The following RNF130 variants were observed in gnomAD, a reference collection of about 807,000 sequenced individuals.
RNF130 encodes ring finger protein 130, also known as E3 ubiquitin-protein ligase RNF130.
A neutral mutation model predicts 44.6 loss-of-function variants in RNF130; 21 were observed. That is an observed-to-expected ratio of 0.47 (90% CI 0.33 to 0.68). The LOEUF (loss-of-function observed/expected upper bound fraction) is 0.68. RNF130 is among the 30% of genes least tolerant of loss of function. RNF130 has a pLI of 0.02. For synonymous variants in RNF130, 214 were observed against 210.4 expected (o/e 1.02, Z -0.15); for missense variants, 479 against 560.6 (o/e 0.85, Z 1.47).
intron 7 of RNF130, chr5:179,939,743 GA>G: frequency 6.8e-6 from 3 of 439,200 alleles, no homozygotes; most frequent in Non-Finnish European, 1.3e-5. Context: ...TGAAAGCGGA[GA>G]AAAACGACCC....
At chr5:180,059,578 T>C (rs928438710) in intron 1 of RNF130, among the ~76,000 whole-genome samples, 2 of 152,164 alleles carry the variant, frequency 1.3e-5, no homozygotes, top group Admixed American at 6.5e-5. Flanking sequence ...AGTCTGCTGA[T>C]AACATGCAAA....
rs192815208 is a variant in RNF130 at position 179,974,561 on chromosome 5, T to C, written c.848+3642A>G. Among the ~76,000 whole-genome samples the C allele has an allele frequency of 2.8e-3, 421 of 152,200 alleles. 1 individual carries two copies. The highest frequency in any genetic ancestry group is 9.8e-3 in the African/African-American group (405 of 41,522). On this transcript the variant is annotated intron_variant, in intron 5 of 8. Transcript: ENST00000521389. ...CCATGAGCGGCTTGACAGCTCTGGA[T>C]AGAAAGTCCTAGCTGAGCTTGTGAA...
intron 3 of RNF130, among the ~76,000 whole-genome samples, chr5:180,003,415 T>C (rs1203500513): frequency 6.6e-6 from 1 of 152,202 alleles, no homozygotes; most frequent in African/African-American, 2.4e-5. Context: ...TTTAGGTAGA[T>C]CATATTTTCC....
At chr5:179,950,259 G>A (rs1762106268), downstream of RNF130, among the ~76,000 whole-genome samples, 2 of 151,982 alleles carry the variant, frequency 1.3e-5, no homozygotes, top group South Asian at 4.1e-4. Flanking sequence ...TGGAATTATA[G>A]GCACCTGCCA....
intron 2 of RNF130, among the ~76,000 whole-genome samples, chr5:180,039,532 A>C (rs1306920223): frequency 1.3e-5 from 2 of 152,206 alleles, no homozygotes; most frequent in Non-Finnish European, 2.9e-5. Flanking sequence ...CTTAGTTTGA[A>C]AGGAAGAAAA....
chr5:180,020,517 T>A (rs774073912), intron 2 of RNF130, among the ~76,000 whole-genome samples: 1 of 152,156 alleles, frequency 6.6e-6, no homozygotes, highest in South Asian at 2.1e-4. Context: ...GGAAGCCGAA[T>A]GTGTAAGCCA....
chr5:180,000,782 C>T (rs1288830493), intron 3 of RNF130, among the ~76,000 whole-genome samples: 1 of 152,130 alleles, frequency 6.6e-6, no homozygotes, highest in South Asian at 2.1e-4. Context: ...TGAACTGTTT[C>T]CCCAACTCTA....
At chr5:180,062,575 C>G (rs1473932100) in intron 1 of RNF130, among the ~76,000 whole-genome samples, 1 of 152,176 alleles carries the variant, frequency 6.6e-6, no homozygotes, top group African/African-American at 2.4e-5. Context: ...GTTTAAGATA[C>G]CATATTCCCA....
chr5:180,057,641 AGGATT>A (rs769594321), intron 1 of RNF130, among the ~76,000 whole-genome samples: 10 of 152,144 alleles, frequency 6.6e-5, no homozygotes, highest in Non-Finnish European at 1.3e-4. Context: ...GTATGCCAAG[AGGATT>A]ATTACACCCC....
chr5:180,048,792 TATC>T (rs532153811), intron 1 of RNF130, among the ~76,000 whole-genome samples: 129 of 152,228 alleles, frequency 8.5e-4, no homozygotes, highest in Non-Finnish European at 1.5e-3. Context: ...GTCCCCTCTT[TATC>T]ATAAGATGAC....
intron 8 of RNF130, among the ~76,000 whole-genome samples, chr5:179,959,532 G>A (rs989638852): frequency 2.0e-5 from 3 of 151,952 alleles, no homozygotes; most frequent in African/African-American, 7.3e-5. Context: ...GAAGACTGAG[G>A]CAGATAATTT....
intron 1 of RNF130, among the ~76,000 whole-genome samples, chr5:180,065,308 T>C (rs1765075766): frequency 6.6e-6 from 1 of 152,224 alleles, no homozygotes; most frequent in African/African-American, 2.4e-5. Flanking sequence ...CAACCATTTT[T>C]ATGTCTGCAT....
At chr5:180,057,267 G>A (rs984475953) in intron 1 of RNF130, among the ~76,000 whole-genome samples, 3 of 152,208 alleles carry the variant, frequency 2.0e-5, no homozygotes, top group Non-Finnish European at 4.4e-5. Context: ...GTCTGTGTCG[G>A]GGTGGGCACA....
rs181708166 is a variant in RNF130 at position 180,061,852 on chromosome 5, C to T, written c.247+9604G>A. On this transcript the variant is annotated intron_variant, in intron 1 of 8. Coordinates refer to ENST00000521389, the MANE Select transcript of RNF130 (RefSeq NM_018434.6). ...TATTTAACTCATCTCTTAGTCCTTTCGGGCTGCTGTAACAAAATACCTTAG... is the reference window on the plus strand; with the variant it reads ...TATTTAACTCATCTCTTAGTCCTTTTGGGCTGCTGTAACAAAATACCTTAG... Among the ~76,000 whole-genome samples, 119 of 152,254 alleles carry T rather than the reference C, an allele frequency of 7.8e-4. 1 individual carries two copies. The highest frequency in any genetic ancestry group is 2.5e-3 in the African/African-American group (103 of 41,552).
At chr5:179,932,588 G>A (rs947732448) in intron 7 of RNF130, among the ~76,000 whole-genome samples, 1 of 151,458 alleles carries the variant, frequency 6.6e-6, no homozygotes, top group African/African-American at 2.4e-5. Context: ...AAACATTTAC[G>A]TCTGTTTGGG....
At chr5:179,959,937 G>A (rs1762290480) in intron 8 of RNF130, among the ~76,000 whole-genome samples, 1 of 152,174 alleles carries the variant, frequency 6.6e-6, no homozygotes, top group Non-Finnish European at 1.5e-5. Flanking sequence ...ATCTTAGAAC[G>A]TGATTTCTAT....
At chr5:179,926,435 C>G (rs1328467102) in intron 7 of RNF130, among the ~76,000 whole-genome samples, 1 of 152,120 alleles carries the variant, frequency 6.6e-6, no homozygotes, top group African/African-American at 2.4e-5. Context: ...CACCTGAGAT[C>G]AGGAGTTTGA....
intron 1 of RNF130, among the ~76,000 whole-genome samples, chr5:180,044,205 T>C (rs1582215543): frequency 6.6e-6 from 1 of 152,192 alleles, no homozygotes; most frequent in East Asian, 1.9e-4. Context: ...TACTTCCGTT[T>C]TTCTTACCTG....
intron 7 of RNF130, among the ~76,000 whole-genome samples, chr5:179,926,081 G>A (rs1285160380): frequency 6.6e-6 from 1 of 152,136 alleles, no homozygotes; most frequent in East Asian, 1.9e-4. Context: ...GTGTGGGGTG[G>A]GAGAAAGGCT....
Sources: gnomAD v4.1 joint callset for allele counts (sites outside exome capture counted in the v4.1 genomes callset) on GRCh38, gnomAD v4.1.1 for gene constraint, MANE v1.5 for transcripts, NCBI Gene and HGNC (gene_info 2026-07-23, HGNC 2026-07-21) for gene names.